SEMA3A: variants seen among roughly 807,000 people sequenced by gnomAD.
SEMA3A encodes semaphorin 3A.
SEMA3A carries 29 observed loss-of-function variants against 97.9 expected under a neutral mutation model. The observed-to-expected ratio is 0.30, with a 90% CI of 0.22 to 0.40. SEMA3A has a LOEUF of 0.40. Among genes scored for constraint, SEMA3A ranks in the 10% least tolerant of loss-of-function variants. The probability of loss-of-function intolerance (pLI) is 1.00; values close to 1 mark genes in which losing one functional copy is unlikely to be tolerated. For synonymous variants in SEMA3A, 321 were observed against 323.7 expected (o/e 0.99, Z 0.09); for missense variants, 763 against 951.3 (o/e 0.80, Z 2.60).
chr7:84,060,209 G>A (rs959841536), intron 5 of SEMA3A, among the ~76,000 whole-genome samples: 1 of 152,082 alleles, frequency 6.6e-6, no homozygotes. Flanking sequence ...GTACCAAGTG[G>A]GGCTGCATAG....
Position 84,450,482 on chromosome 7 carries a change from G to C in SEMA3A, c.-246+41978C>G, listed in dbSNP as rs371873333. ...CATGAATGTGTTCAGGCTATAAAAT[G>C]CAGAGCTTAGTGCTTTGAGGAACAC... On this transcript the variant is annotated intron_variant, in intron 1 of 3. Transcript: ENST00000424555. Among the ~76,000 whole-genome samples the C allele has an allele frequency of 6.9e-4, 105 of 152,306 alleles. 1 individual carries two copies. Among genetic ancestry groups the C allele is most frequent in the African/African-American group, 2.3e-3 (97 of 41,580 alleles).
At chr7:84,247,094 T>G (rs1020576714) in intron 3 of SEMA3A, among the ~76,000 whole-genome samples, 3 of 152,070 alleles carry the variant, frequency 2.0e-5, no homozygotes, top group Admixed American at 6.6e-5. Flanking sequence ...ATATAGAAAT[T>G]TGTGGCAGTA....
chr7:84,240,439 T>C (rs1270693921), intron 3 of SEMA3A, among the ~76,000 whole-genome samples: 2 of 152,014 alleles, frequency 1.3e-5, no homozygotes, highest in Non-Finnish European at 2.9e-5. Flanking sequence ...ATTGGGCATA[T>C]ACCCAGAAGG....
intron 12 of SEMA3A, 61 bp downstream of exon 12, chr7:84,001,894 C>A: frequency 8.8e-7 from 1 of 1,135,960 alleles, no homozygotes; most frequent in Non-Finnish European, 1.3e-6. Context: ...CAGTGTGCAG[C>A]TGTCCTGGGG....
intron 12 of SEMA3A, among the ~76,000 whole-genome samples, chr7:83,986,878 G>T (rs1180854236): frequency 2.0e-5 from 3 of 151,828 alleles, no homozygotes; most frequent in Non-Finnish European, 4.4e-5. Flanking sequence ...AAGACTGAAT[G>T]AATTAATACA....
intron 12 of SEMA3A, 89 bp downstream of exon 12, chr7:84,001,866 A>G: frequency 2.5e-6 from 2 of 800,710 alleles, no homozygotes; most frequent in South Asian, 1.7e-5. Flanking sequence ...ATGCTAGACT[A>G]CTTGTCCATA....
intron 3 of SEMA3A, among the ~76,000 whole-genome samples, chr7:84,114,009 A>G (rs1795350293): frequency 6.6e-6 from 1 of 152,136 alleles, no homozygotes; most frequent in Non-Finnish European, 1.5e-5. Flanking sequence ...AGAAAAAGAT[A>G]CAGGAGCCAA....
intron 3 of SEMA3A, among the ~76,000 whole-genome samples, chr7:84,211,035 A>G (rs552736003): frequency 4.6e-5 from 7 of 152,308 alleles, no homozygotes; most frequent in African/African-American, 1.7e-4. Context: ...TGAATCAGTG[A>G]TATGTTCCTT....
At chr7:84,025,604 G>T (rs1034604473) in intron 6 of SEMA3A, among the ~76,000 whole-genome samples, 2 of 148,804 alleles carry the variant, frequency 1.3e-5, no homozygotes, top group Non-Finnish European at 3.0e-5. Context: ...ATGCTAGCTG[G>T]CTGGGAAACT....
intron 1 of SEMA3A, among the ~76,000 whole-genome samples, chr7:84,177,066 A>C (rs1381457285): frequency 6.6e-6 from 1 of 152,178 alleles, no homozygotes; most frequent in African/African-American, 2.4e-5. Flanking sequence ...AAAAGTAAAA[A>C]GGACATGATG....
At chr7:84,205,719 A>C (rs1055806934) in intron 3 of SEMA3A, among the ~76,000 whole-genome samples, 1 of 152,212 alleles carries the variant, frequency 6.6e-6, no homozygotes, top group African/African-American at 2.4e-5. Flanking sequence ...GTAGTGTGAT[A>C]TATTCAGTAG....
At chr7:84,158,891 AAAT>A (rs148985744) in intron 1 of SEMA3A, among the ~76,000 whole-genome samples, 20,107 of 152,198 alleles carry the variant, frequency 0.13, 1,377 homozygotes, top group Middle Eastern at 0.17. Flanking sequence ...TTTCTTTAAA[AAAT>A]AATGCATATT....
intron 1 of SEMA3A, among the ~76,000 whole-genome samples, chr7:84,378,245 T>C (rs971251176): frequency 1.3e-5 from 2 of 152,016 alleles, no homozygotes; most frequent in Non-Finnish European, 2.9e-5. Flanking sequence ...CTTCAGTTTA[T>C]AAATAAACTA....
intron 4 of SEMA3A, among the ~76,000 whole-genome samples, chr7:84,078,179 A>G (rs1038637204): frequency 3.3e-5 from 5 of 152,010 alleles, no homozygotes; most frequent in African/African-American, 1.2e-4. Context: ...TATGTATTAC[A>G]ATAAGTAGGG....
Position 84,011,294 on chromosome 7 carries a change from C to A in SEMA3A, c.814G>T (p.Asp272Tyr). The change falls in exon 8 of 17, where the codon GAC becomes TAC. Residue 272 changes from aspartate (D) to tyrosine (Y), a missense_variant. Asp to Tyr is a radical substitution (Grantham distance 160). This residue lies in a region of SEMA3A where 678 missense variants were observed against 881.3 expected (regional missense o/e 0.77). Transcript: ENST00000265362. ...HARIGQICKNDFGGHRSLVNK... is the reference protein window; with the variant it reads ...HARIGQICKNYFGGHRSLVNK... The stretch of plus-strand genomic sequence containing the variant: ...ACCAGACTTCTGTGCCCTCCAAAGT[C>A]ATTCTGAAAGAAGGGAACACCAGTG... The A allele has an allele frequency of 6.2e-7, 1 of 1,606,928 alleles. No individual in the cohort carries two copies. Among genetic ancestry groups the A allele is most frequent in the South Asian group, 1.1e-5 (1 of 90,916 alleles).
intron 4 of SEMA3A, among the ~76,000 whole-genome samples, chr7:84,075,807 G>T (rs746640043): frequency 6.6e-5 from 10 of 152,174 alleles, no homozygotes; most frequent in Admixed American, 3.3e-4. Flanking sequence ...TATTGTAGCA[G>T]AAATCTTACC....
intron 3 of SEMA3A, among the ~76,000 whole-genome samples, chr7:84,201,377 T>A (rs755060931): frequency 4.3e-4 from 65 of 152,098 alleles, no homozygotes; most frequent in Non-Finnish European, 1.3e-4. Flanking sequence ...AAATCTACAG[T>A]GCATTCTGCT....
At chr7:84,439,628 C>T (rs1171745043) in intron 1 of SEMA3A, among the ~76,000 whole-genome samples, 1 of 152,084 alleles carries the variant, frequency 6.6e-6, no homozygotes, top group East Asian at 1.9e-4. Context: ...AGGTTAGCCA[C>T]CCACTAAGAA....
At chr7:84,481,523 A>G (rs1463509173) in intron 1 of SEMA3A, among the ~76,000 whole-genome samples, 1 of 152,214 alleles carries the variant, frequency 6.6e-6, no homozygotes, top group Non-Finnish European at 1.5e-5. Context: ...AACTTTATAT[A>G]TCTCTGATAT....
Sources: gnomAD v4.1 joint callset for allele counts (sites outside exome capture counted in the v4.1 genomes callset) on GRCh38, gnomAD v4.1.1 for gene constraint, gnomAD v4.1.1 regional missense constraint, MANE v1.5 for transcripts, NCBI Gene and HGNC (gene_info 2026-07-23, HGNC 2026-07-21) for gene names.